Variants in GSE1 observed in about 807,000 individuals in gnomAD.
GSE1 encodes the protein Gse1 coiled-coil protein.
A neutral mutation model predicts 112.6 loss-of-function variants in GSE1; 32 were observed. That is an observed-to-expected ratio of 0.28 (90% CI 0.21 to 0.38). The LOEUF is 0.38. GSE1 is among the 10% of genes least tolerant of loss of function. The pLI is 1.00. For synonymous variants in GSE1, 1,115 were observed against 735.6 expected, an observed-to-expected ratio of 1.52 and a Z score of -8.35; for missense variants, 2,348 against 1,699.2, an observed-to-expected ratio of 1.38 and a Z score of -6.71.
intron 1 of GSE1, among the ~76,000 whole-genome samples, chr16:85,587,549 C>G (rs1196885304): frequency 6.6e-6 from 1 of 152,060 alleles, no homozygotes; most frequent in Non-Finnish European, 1.5e-5. Flanking sequence ...CACCTTCGGC[C>G]TAGGTACATC....
chr16:85,428,803 C>T (rs2049051424), intron 2 of GSE1, among the ~76,000 whole-genome samples: 1 of 152,130 alleles, frequency 6.6e-6, no homozygotes, highest in African/African-American at 2.4e-5. Flanking sequence ...GCTGGGGGAT[C>T]CTTGGCAGTT....
At chr16:85,395,552 C>T (rs182366622) in intron 2 of GSE1, among the ~76,000 whole-genome samples, 1 of 152,350 alleles carries the variant, frequency 6.6e-6, no homozygotes, top group East Asian at 1.9e-4. Flanking sequence ...CTCCCAGCAG[C>T]CAGCACCCAG....
chr16:85,398,584 A>C (rs757429289), intron 2 of GSE1, among the ~76,000 whole-genome samples: 3 of 151,810 alleles, frequency 2.0e-5, no homozygotes, highest in Non-Finnish European at 2.9e-5. Context: ...ATGGCCAAAT[A>C]ATGATGATGT....
chr16:85,607,416 C>T, upstream of GSE1, among the ~76,000 whole-genome samples: 1 of 152,244 alleles, frequency 6.6e-6, no homozygotes, highest in East Asian at 1.9e-4. Context: ...GGCTCGGCGG[C>T]GCTCACAAAG....
intron 2 of GSE1, among the ~76,000 whole-genome samples, chr16:85,546,647 A>G (rs1446322638): frequency 6.6e-6 from 1 of 152,216 alleles, no homozygotes; most frequent in Admixed American, 6.5e-5. Context: ...AGAGAAAAAC[A>G]GAGGCTCGCA....
intron 9 of GSE1, 151 bp downstream of exon 9, chr16:85,661,916 T>C (rs761690750): frequency 1.7e-5 from 12 of 713,828 alleles, no homozygotes; most frequent in Middle Eastern, 4.1e-4. Flanking sequence ...CTGGCTTCTT[T>C]GTAGCAGCAT....
chr16:85,551,569 G>C (rs994496073), upstream of GSE1, among the ~76,000 whole-genome samples: 11 of 152,244 alleles, frequency 7.2e-5, no homozygotes, highest in Non-Finnish European at 1.6e-4. Context: ...GCTCACGGCG[G>C]GGCACGGTGG....
exon 1 of GSE1, chr16:85,171,384 G>C: frequency 4.1e-6 from 4 of 985,686 alleles, no homozygotes; most frequent in Non-Finnish European, 4.8e-6. Context: ...GCGAGAAGGA[G>C]CCCTTCTTCC....
intron 2 of GSE1, among the ~76,000 whole-genome samples, chr16:85,526,373 C>T (rs2052365231): frequency 6.6e-6 from 1 of 152,248 alleles, no homozygotes; most frequent in Non-Finnish European, 1.5e-5. Flanking sequence ...TCAGGAGCTG[C>T]AGAAGTAGAG....
chr16:85,433,990 G>T (rs986008476), intron 2 of GSE1, among the ~76,000 whole-genome samples: 1 of 152,104 alleles, frequency 6.6e-6, no homozygotes, highest in African/African-American at 2.4e-5. Flanking sequence ...GGACTAACTA[G>T]CTCCAGCCCT....
chr16:85,280,754 A>C (rs1312046978), intron 1 of GSE1, among the ~76,000 whole-genome samples: 1 of 152,188 alleles, frequency 6.6e-6, no homozygotes, highest in Admixed American at 6.5e-5. Context: ...ATTCTTTACA[A>C]AATGTCACCT....
chr16:85,651,657 C>T (rs1240372830), intron 3 of GSE1, among the ~76,000 whole-genome samples: 1 of 152,172 alleles, frequency 6.6e-6, no homozygotes, highest in East Asian at 1.9e-4. Context: ...TGGGTGCTGT[C>T]CTCAGGTCGA....
intron 1 of GSE1, among the ~76,000 whole-genome samples, chr16:85,232,685 C>T (rs1299111781): frequency 2.0e-5 from 3 of 152,308 alleles, no homozygotes; most frequent in Middle Eastern, 3.4e-3. Context: ...TGGGGTCCTG[C>T]GAAACAACAG....
chr16:85,281,640 A>G (rs1717683705), intron 1 of GSE1, among the ~76,000 whole-genome samples: 1 of 152,144 alleles, frequency 6.6e-6, no homozygotes, highest in South Asian at 2.1e-4. Flanking sequence ...AAAACCCTAG[A>G]AGAATGTAAA....
intron 2 of GSE1, among the ~76,000 whole-genome samples, chr16:85,441,897 C>T (rs716811): frequency 0.16 from 24,950 of 152,140 alleles, 2,128 homozygotes; most frequent in South Asian, 0.27. Context: ...CTCGCCAAAA[C>T]CCCCTACATC....
intron 1 of GSE1, among the ~76,000 whole-genome samples, chr16:85,209,392 C>T (rs934343533): frequency 6.6e-5 from 10 of 152,128 alleles, no homozygotes; most frequent in African/African-American, 2.4e-4. Flanking sequence ...CTCCCGTGCC[C>T]CCGCCCCTGC....
intron 1 of GSE1, among the ~76,000 whole-genome samples, chr16:85,572,402 CCACA>C (rs1186732150): frequency 6.8e-6 from 1 of 147,294 alleles, no homozygotes; most frequent in Non-Finnish European, 1.5e-5. Flanking sequence ...CACAAACACA[CCACA>C]CACACTACAC....
chr16:85,287,433 G>A (rs565205611), intron 1 of GSE1, among the ~76,000 whole-genome samples: 85 of 152,178 alleles, frequency 5.6e-4, no homozygotes, highest in African/African-American at 2.0e-3. Flanking sequence ...AGGCAGTAAT[G>A]ATCCACCCAC....
At position 85,654,906 on chromosome 16, in the gene GSE1, C is replaced by T. The variant is rs193274121; in HGVS notation, c.712C>T (p.Pro238Ser). Residue 238 changes from proline (P) to serine (S), a missense_variant, in exon 5 of 16, where the codon CCC becomes TCC. Physicochemically the swap from Pro to Ser is moderately conservative, Grantham distance 74. Coordinates refer to ENST00000253458, the MANE Select transcript of GSE1 (RefSeq NM_014615.5). ...CGACCTCCGCATGTCCTCACTGCCTCCCCTCGGCCTGGACCCGGCCACTGC... is the reference window on the plus strand; with the variant it reads ...CGACCTCCGCATGTCCTCACTGCCTTCCCTCGGCCTGGACCCGGCCACTGC... ...TDDLRMSSLP[P>S]LGLDPATAAA... 13 of 1,611,876 alleles carry T rather than the reference C, an allele frequency of 8.1e-6. No homozygotes were observed. The highest frequency in any genetic ancestry group is 6.7e-5 in the Admixed American group (4 of 59,994).
Sources: gnomAD v4.1 joint callset for allele counts (sites outside exome capture counted in the v4.1 genomes callset) on GRCh38, gnomAD v4.1.1 for gene constraint, MANE v1.5 for transcripts, NCBI Gene and HGNC (gene_info 2026-07-23, HGNC 2026-07-21) for gene names.